The following PLEKHA5 variants were observed in gnomAD, a reference collection of about 807,000 sequenced individuals.
The protein encoded by PLEKHA5 is pleckstrin homology domain-containing family A member 5.
Under a neutral mutation model 181.9 loss-of-function variants are expected in PLEKHA5, and 55 were observed. That is an observed-to-expected ratio of 0.30 (90% CI 0.24 to 0.38). PLEKHA5 has a LOEUF of 0.38. Ranked by LOEUF, PLEKHA5 falls within the 10% of genes least tolerant of loss-of-function variation. The pLI is 1.00. For missense variants in PLEKHA5, 1,432 were observed against 1,549.5 expected, an observed-to-expected ratio of 0.92 and a Z score of 1.27; for synonymous variants, 535 against 529.4, an observed-to-expected ratio of 1.01 and a Z score of -0.15.
chr12:19,260,328 A>T (rs1178353156), intron 6 of PLEKHA5, among the ~76,000 whole-genome samples: 2 of 152,228 alleles, frequency 1.3e-5, no homozygotes, highest in Admixed American at 1.3e-4. Context: ...CTGCATGGTT[A>T]CATTATTCTC....
intron 3 of PLEKHA5, among the ~76,000 whole-genome samples, chr12:19,240,792 C>T (rs1026913686): frequency 5.9e-5 from 9 of 151,916 alleles, no homozygotes; most frequent in South Asian, 4.2e-4. Flanking sequence ...TTTTAAATGA[C>T]GAGAATATTT....
Position 19,363,842 on chromosome 12 carries a change from T to C in PLEKHA5, c.3609-2122T>C, listed in dbSNP as rs577474275. On this transcript the variant is annotated intron_variant, in intron 29 of 31. Coordinates refer to ENST00000429027, the MANE Select transcript of PLEKHA5 (RefSeq NM_001256470.2). ...CAATCTTTCCCTCCATTAAACATAT[T>C]ACCGGCACTAGAAAACAGAAATGCT... 2.0e-5 allele frequency among the ~76,000 whole-genome samples: 3 copies of C among 152,252 alleles called. No individual in the cohort carries two copies. In the South Asian group the frequency reaches 6.2e-4, roughly 32 times the overall value.
intron 19 of PLEKHA5, 62 bp from the exon 20 acceptor site, chr12:19,322,456 T>G: frequency 6.3e-7 from 1 of 1,579,172 alleles, no homozygotes; most frequent in Non-Finnish European, 8.7e-7. Flanking sequence ...AGGACACTGA[T>G]AAGTAAAAAG....
chr12:19,325,414 G>A (rs1473067261), intron 20 of PLEKHA5, among the ~76,000 whole-genome samples: 1 of 151,916 alleles, frequency 6.6e-6, no homozygotes, highest in Non-Finnish European at 1.5e-5. Flanking sequence ...AGAAGGCCAG[G>A]CATGGTGGCT....
rs868285292 is a variant in PLEKHA5 at position 19,290,732 on chromosome 12, G to T, written c.1919G>T (p.Ser640Ile). The change falls in exon 14 of 32, where the codon AGT becomes ATT. Residue 640 changes from serine (S) to isoleucine (I), a missense_variant. Physicochemically the swap from Ser to Ile is moderately radical, Grantham distance 142. Coordinates refer to ENST00000429027, the MANE Select transcript of PLEKHA5 (RefSeq NM_001256470.2). Reference protein sequence around the residue: ...IKLRRQQAELSSIREHTLAQL... With the variant: ...IKLRRQQAELISIREHTLAQL... ...CTGAGACGGCAGCAAGCCGAACTGA[G>T]TAGTATCCGGGAGCATACGTTAGCA... 4 of 1,535,926 alleles carry T rather than the reference G, an allele frequency of 2.6e-6. No individual in the cohort carries two copies. Among genetic ancestry groups the T allele is most frequent in the Non-Finnish European group, 3.5e-6 (4 of 1,146,668 alleles).
At chr12:19,171,852 A>G (rs547070274) in intron 3 of PLEKHA5, among the ~76,000 whole-genome samples, 1 of 152,264 alleles carries the variant, frequency 6.6e-6, no homozygotes, top group South Asian at 2.1e-4. Flanking sequence ...GCACAAACAC[A>G]CACATTAGCC....
At chr12:19,312,203 T>C (rs1186884089) in intron 15 of PLEKHA5, among the ~76,000 whole-genome samples, 2 of 152,242 alleles carry the variant, frequency 1.3e-5, no homozygotes, top group Non-Finnish European at 2.9e-5. Context: ...TTTGTTCCTT[T>C]TTTGGAGCAT....
intron 15 of PLEKHA5, among the ~76,000 whole-genome samples, chr12:19,312,387 A>C (rs1278331959): frequency 2.0e-5 from 3 of 152,234 alleles, no homozygotes; most frequent in African/African-American, 7.2e-5. Context: ...TCTGATTCCC[A>C]TACAAGGCTA....
At chr12:19,239,344 T>G (rs889558599) in intron 3 of PLEKHA5, among the ~76,000 whole-genome samples, 1 of 152,086 alleles carries the variant, frequency 6.6e-6, no homozygotes, top group African/African-American at 2.4e-5. Context: ...GGCCATTGGA[T>G]TTCCCCCCAT....
At chr12:19,132,657 C>G (rs1191867556) in intron 3 of PLEKHA5, among the ~76,000 whole-genome samples, 1 of 151,814 alleles carries the variant, frequency 6.6e-6, no homozygotes, top group Non-Finnish European at 1.5e-5. Context: ...CTGGAATATT[C>G]ATCGATTCAT....
At chr12:19,368,173 C>G (rs1425002869) in intron 30 of PLEKHA5, among the ~76,000 whole-genome samples, 1 of 151,982 alleles carries the variant, frequency 6.6e-6, no homozygotes, top group Non-Finnish European at 1.5e-5. Flanking sequence ...TAAGCACTGC[C>G]TTTTCCTTTG....
At chr12:19,200,292 T>G (rs2053904677) in intron 3 of PLEKHA5, 1 of 1,496,934 alleles carries the variant, frequency 6.7e-7, no homozygotes, top group Non-Finnish European at 9.0e-7. Context: ...ATTTAAACAT[T>G]AAAACAATTT....
chr12:19,337,653 C>G (rs1012153825), intron 21 of PLEKHA5, among the ~76,000 whole-genome samples: 2 of 151,732 alleles, frequency 1.3e-5, no homozygotes, highest in Non-Finnish European at 2.9e-5. Flanking sequence ...TTACGTCACG[C>G]TTATGACCCA....
intron 3 of PLEKHA5, among the ~76,000 whole-genome samples, chr12:19,169,319 T>C (rs1160101765): frequency 2.0e-5 from 3 of 151,752 alleles, no homozygotes; most frequent in Non-Finnish European, 2.9e-5. Context: ...ATTAAGTTAG[T>C]GTTGCTTGCC....
intron 3 of PLEKHA5, among the ~76,000 whole-genome samples, chr12:19,192,025 T>TC (rs2051261027): frequency 6.6e-6 from 1 of 152,144 alleles, no homozygotes; most frequent in South Asian, 2.1e-4. Flanking sequence ...CCTTGTATAG[T>TC]CCGTGTATAG....
chr12:19,286,059 G>A (rs78519611), intron 12 of PLEKHA5, among the ~76,000 whole-genome samples: 6,568 of 152,250 alleles, frequency 0.043, 160 homozygotes, highest in South Asian at 0.057. Flanking sequence ...TGATAACAAC[G>A]TTTGAGTTTT....
At chr12:19,160,949 G>C (rs1171427622) in intron 3 of PLEKHA5, among the ~76,000 whole-genome samples, 3 of 152,128 alleles carry the variant, frequency 2.0e-5, no homozygotes, top group East Asian at 3.9e-4. Context: ...TAGTAAAAGC[G>C]TACATGTATG....
At chr12:19,249,225 A>G (rs2064593771) in intron 3 of PLEKHA5, among the ~76,000 whole-genome samples, 1 of 152,192 alleles carries the variant, frequency 6.6e-6, no homozygotes, top group South Asian at 2.1e-4. Flanking sequence ...TAAAAGTGTA[A>G]CAGCATGCCA....
intron 7 of PLEKHA5, among the ~76,000 whole-genome samples, chr12:19,264,085 T>C (rs899724105): frequency 6.6e-6 from 1 of 151,382 alleles, no homozygotes; most frequent in African/African-American, 2.5e-5. Flanking sequence ...ACGCACTGTC[T>C]TTGATTTTAT....
Sources: allele counts gnomAD v4.1 joint callset (sites outside exome capture counted in the v4.1 genomes callset), GRCh38; gene constraint gnomAD v4.1.1; transcripts MANE v1.5; gene names NCBI Gene and HGNC (gene_info 2026-07-23, HGNC 2026-07-21).